TMEM219: variants seen among roughly 807,000 people sequenced by gnomAD.
TMEM219 encodes transmembrane protein 219, also known as insulin-like growth factor-binding protein 3 receptor.
Under a neutral mutation model 17.9 loss-of-function variants are expected in TMEM219, and 18 were observed. That is an observed-to-expected ratio of 1.01 (90% CI 0.70 to 1.49). The LOEUF (loss-of-function observed/expected upper bound fraction) is 1.49. TMEM219 is among the 40% of genes most tolerant of loss of function. TMEM219 has a pLI of 0.00. For synonymous variants in TMEM219, 113 were observed against 124.0 expected (o/e 0.91, Z 0.59); for missense variants, 288 against 292.4 (o/e 0.99, Z 0.11).
intron 4 of TMEM219, among the ~76,000 whole-genome samples, chr16:29,969,341 C>T (rs1245604519): frequency 1.3e-5 from 2 of 151,374 alleles, no homozygotes; most frequent in African/African-American, 2.4e-5. Flanking sequence ...GGACTACAGG[C>T]GCCTGCCACC....
chr16:29,968,827 G>C (rs185998474), intron 4 of TMEM219, among the ~76,000 whole-genome samples: 1 of 152,336 alleles, frequency 6.6e-6, no homozygotes, highest in East Asian at 1.9e-4. Flanking sequence ...TTTTGAGGTA[G>C]GTGTTATTAT....
Position 29,963,275 on chromosome 16 carries a change from C to T in TMEM219, c.132C>T (p.His44=). The change falls in exon 2 of 6, where the codon CAC becomes CAT. Residue 44 remains histidine, a synonymous_variant. Coordinates refer to ENST00000279396, the MANE Select transcript of TMEM219 (RefSeq NM_001083613.2). ...GLGLGSFLLT[H]RTGLRSPDIP... ...GCCTTGGCAGCTTCCTCCTCACCCA[C>T]AGGACTGGCCTGCGCAGCCCTGACA... 1.9e-6 allele frequency: 3 copies of T among 1,614,166 alleles called. No homozygotes were observed. Among genetic ancestry groups the T allele is most frequent in the Non-Finnish European group, 2.5e-6 (3 of 1,180,046 alleles).
intron 3 of TMEM219, among the ~76,000 whole-genome samples, chr16:29,964,053 G>C (rs1410696691): frequency 6.6e-6 from 1 of 151,700 alleles, no homozygotes; most frequent in Admixed American, 6.6e-5. Context: ...GTCTGGTTGC[G>C]GTGGCCCACA....
Position 29,971,429 on chromosome 16 carries a change from T to C in TMEM219, c.607T>C (p.Ser203Pro), listed in dbSNP as rs1470746030. ...CTAGGAGGAGCTGGCTCTGTGTGGC[T>C]CCAGGCTGCTGGTCTTGGGCTCCTT... ...LTSEELALCG[S>P]RLLVLGSFLL... Residue 203 changes from serine to proline, a missense_variant, in exon 5 of 6, where the codon TCC becomes CCC. Physicochemically the swap from Ser to Pro is moderately conservative, Grantham distance 74. Coordinates refer to ENST00000279396, the MANE Select transcript of TMEM219 (RefSeq NM_001083613.2). The C allele has an allele frequency of 6.2e-7, 1 of 1,614,172 alleles. No individual in the cohort carries two copies.
intron 4 of TMEM219, among the ~76,000 whole-genome samples, chr16:29,970,771 C>T (rs1318858451): frequency 1.3e-5 from 2 of 152,140 alleles, no homozygotes; most frequent in Non-Finnish European, 2.9e-5. Flanking sequence ...GAAACCCCAT[C>T]TCTACAAAAA....
At chr16:29,972,834 C>G (rs899588625) in intron 5 of TMEM219, 116 bp from the exon 6 acceptor site, 1 of 152,206 alleles carries the variant, frequency 6.6e-6, no homozygotes, top group African/African-American at 2.4e-5. Context: ...ATTAAATGCC[C>G]GTATTGGTCT....
rs769802774 is a variant in TMEM219 at position 29,971,573 on chromosome 16, T to G, written c.*28T>G. 6.2e-7 allele frequency: 1 copy of G among 1,607,750 alleles called. No individual in the cohort carries two copies. The highest frequency in any genetic ancestry group is 2.2e-5 in the East Asian group (1 of 44,648). ...GCACTGGCCTAGTTCCCGACTTGTT[T>G]CTCAGGTGAGGTTCTTTGCTCCAGT... is the stretch of plus-strand genomic sequence containing the variant. On this transcript the variant is annotated 3_prime_UTR_variant, in exon 5 of 6. Coordinates refer to ENST00000279396, the MANE Select transcript of TMEM219 (RefSeq NM_001083613.2).
intron 3 of TMEM219, among the ~76,000 whole-genome samples, chr16:29,965,825 C>T (rs982815809): frequency 3.9e-5 from 6 of 152,170 alleles, no homozygotes; most frequent in Non-Finnish European, 7.3e-5. Flanking sequence ...GAACCTCTGC[C>T]TCCCAGTTTC....
chr16:29,962,345 G>T (rs1416722661), intron 1 of TMEM219, among the ~76,000 whole-genome samples: 1 of 152,118 alleles, frequency 6.6e-6, no homozygotes, highest in African/African-American at 2.4e-5. Context: ...CATTTCCGTG[G>T]CTCCCTTCTT....
At position 29,968,108 on chromosome 16, in the gene TMEM219, G is replaced by GT; in HGVS notation, c.441dup (p.Pro148SerfsTer26). 1 of 1,614,162 alleles carries GT rather than the reference G, an allele frequency of 6.2e-7. No individual in the cohort carries two copies. Among genetic ancestry groups the GT allele is most frequent in the Non-Finnish European group, 8.5e-7 (1 of 1,180,032 alleles). On this transcript the variant is annotated frameshift_variant, in exon 4 of 6. Coordinates refer to ENST00000279396, the MANE Select transcript of TMEM219 (RefSeq NM_001083613.2). LOFTEE classifies it high-confidence loss of function. ...AGGAACCTGCCTATATTTTAGTGCT[G>GT]TTCCAGGAATCCTACCCTCCAGCCA...
In TMEM219 at chr16:29,963,287, G is replaced by T. The variant is rs751693215; in HGVS notation, c.144G>T (p.Leu48=). 6.2e-7 allele frequency: 1 copy of T among 1,614,114 alleles called. No individual in the cohort carries two copies. The highest frequency in any genetic ancestry group is 8.5e-7 in the Non-Finnish European group (1 of 1,180,038). The part of the protein sequence containing the change: ...GSFLLTHRTG[L]RSPDIPQDWV... ...TCCTCCTCACCCACAGGACTGGCCT[G>T]CGCAGCCCTGACATCCCCCAGGTAA... is the stretch of plus-strand genomic sequence containing the variant. The change falls in exon 2 of 6, where the codon CTG becomes CTT. Residue 48 remains leucine, a synonymous_variant. Coordinates refer to ENST00000279396, the MANE Select transcript of TMEM219 (RefSeq NM_001083613.2).
chr16:29,969,338 A>G (rs933177541), intron 4 of TMEM219, among the ~76,000 whole-genome samples: 23 of 151,496 alleles, frequency 1.5e-4, no homozygotes, highest in South Asian at 2.1e-4. Flanking sequence ...CTGGGACTAC[A>G]GGCGCCTGCC....
chr16:29,962,789 G>A (rs1274858978), intron 1 of TMEM219: 1 of 252,900 alleles, frequency 4.0e-6, no homozygotes, highest in Non-Finnish European at 7.8e-6. Flanking sequence ...GGCTCTGGCT[G>A]GAACTATTCC....
intron 3 of TMEM219, 91 bp downstream of exon 3, chr16:29,963,680 C>G (rs1219744758): frequency 1.7e-6 from 2 of 1,194,922 alleles, no homozygotes; most frequent in Non-Finnish European, 2.3e-6. Context: ...GTCAGGAGTT[C>G]AAGACCAGCC....
chr16:29,963,386 T>C lies in TMEM219; in HGVS notation c.166-14T>C. On this transcript the variant is annotated splice_polypyrimidine_tract_variant and intron_variant, in intron 2 of 5. Coordinates refer to ENST00000279396, the MANE Select transcript of TMEM219 (RefSeq NM_001083613.2). ...GCTGCTAATCTCATCTCACCCGTCT[T>C]CTTTTGCTCACAGGACTGGGTCTCT... The C allele has an allele frequency of 6.2e-7, 1 of 1,613,810 alleles. No individual in the cohort carries two copies.
chr16:29,971,342 C>G (rs2069284222), intron 4 of TMEM219, 66 bp from the exon 5 acceptor site: 2 of 1,588,638 alleles, frequency 1.3e-6, no homozygotes, highest in Non-Finnish European at 8.6e-7. Flanking sequence ...CTCATGGAGG[C>G]TCCTTCTATA....
chr16:29,967,610 C>CA (rs967514762), intron 3 of TMEM219, among the ~76,000 whole-genome samples: 1 of 151,604 alleles, frequency 6.6e-6, no homozygotes, highest in Admixed American at 6.6e-5. Flanking sequence ...GACCCCATCT[C>CA]AAAAAAATAA....
chr16:29,971,367 T>G, intron 4 of TMEM219, 41 bp from the exon 5 acceptor site: 1 of 1,613,268 alleles, frequency 6.2e-7, no homozygotes, highest in South Asian at 1.1e-5. Flanking sequence ...TTGGACTGGA[T>G]TAACATGTCC....
At chr16:29,968,433 G>T (rs992185278) in intron 4 of TMEM219, 179 bp downstream of exon 4, 6 of 569,702 alleles carry the variant, frequency 1.1e-5, no homozygotes, top group African/African-American at 9.3e-5. Context: ...ATCCTCATCT[G>T]TAAAACAGAA....
Sources: gnomAD v4.1 joint callset for allele counts (sites outside exome capture counted in the v4.1 genomes callset) on GRCh38, gnomAD v4.1.1 for gene constraint, MANE v1.5 for transcripts, NCBI Gene and HGNC (gene_info 2026-07-23, HGNC 2026-07-21) for gene names.